The following PCDHGA4 variants were observed in gnomAD, a reference collection of about 807,000 sequenced individuals.
PCDHGA4 encodes protocadherin gamma subfamily A, 4, also known as protocadherin gamma-A4.
Under a neutral mutation model 54.6 loss-of-function variants are expected in PCDHGA4, and 38 were observed. The observed-to-expected ratio is 0.70, with a 90% CI of 0.54 to 0.91. The LOEUF is 0.91. PCDHGA4 is among the 40% of genes least tolerant of loss of function. The pLI is 0.00. For missense variants in PCDHGA4, 1,298 were observed against 1,220.9 expected, an observed-to-expected ratio of 1.06 and a Z score of -0.94; for synonymous variants, 511 against 512.9, an observed-to-expected ratio of 1.00 and a Z score of 0.05.
intron 3 of PCDHGA4, among the ~76,000 whole-genome samples, chr5:141,509,636 C>T (rs1199892148): frequency 6.6e-6 from 1 of 152,164 alleles, no homozygotes; most frequent in Non-Finnish European, 1.5e-5. Context: ...TGATGCTGAG[C>T]CAGGGCCAGA....
chr5:141,450,386 A>T (rs1208546397), intron 1 of PCDHGA4, among the ~76,000 whole-genome samples: 2 of 152,192 alleles, frequency 1.3e-5, no homozygotes, highest in Non-Finnish European at 2.9e-5. Flanking sequence ...TGAAACTGAC[A>T]TTTGTAAAGA....
At chr5:141,375,691 C>T in intron 1 of PCDHGA4, 1 of 1,614,272 alleles carries the variant, frequency 6.2e-7, no homozygotes, top group South Asian at 1.1e-5. Context: ...CAGCCAGCGA[C>T]AGCGGGGACC....
chr5:141,356,569 T>C lies in PCDHGA4; in HGVS notation c.1462T>C (p.Tyr488His). ...DNPPTFPHAS[Y>H]SAYIPENNPR... ...CCCACCCACTTTCCCTCATGCTTCC[T>C]ACTCTGCTTACATTCCTGAAAACAA... The change falls in exon 1 of 4, where the codon TAC (tyrosine) becomes CAC (histidine). Residue 488 changes from tyrosine (Y) to histidine (H), a missense_variant. Tyr to His is a moderately conservative substitution (Grantham distance 83, BLOSUM62 2). Transcript: ENST00000571252. 6.2e-7 allele frequency: 1 copy of C among 1,614,170 alleles called. No individual in the cohort carries two copies. Among genetic ancestry groups the C allele is most frequent in the Non-Finnish European group, 8.5e-7 (1 of 1,180,018 alleles).
chr5:141,486,706 C>T lies in PCDHGA4; in HGVS notation c.2515-8101C>T. 1.2e-6 allele frequency: 2 copies of T among 1,614,154 alleles called. No homozygotes were observed. Among genetic ancestry groups the T allele is most frequent in the Admixed American group, 1.7e-5 (1 of 60,020 alleles). On this transcript the variant is annotated intron_variant, in intron 1 of 3. Transcript: ENST00000571252. This position sits in a 1 kb window ranked among gnomAD's most constrained non-coding sequence, Gnocchi z 5.0. ...CAGCTTCCTCTTTCATCTCTCTGAACCCCCAGACAGGAGCTGTTCATGCTA... is the reference window on the plus strand; with the variant it reads ...CAGCTTCCTCTTTCATCTCTCTGAATCCCCAGACAGGAGCTGTTCATGCTA...
At chr5:141,378,741 A>C (rs1588862467) in intron 1 of PCDHGA4, 2 of 152,230 alleles carry the variant, frequency 1.3e-5, no homozygotes, top group African/African-American at 2.4e-5. Context: ...GAAATATTTC[A>C]AGAAAAAAGG....
intron 2 of PCDHGA4, among the ~76,000 whole-genome samples, chr5:141,496,116 C>G (rs1435887981): frequency 6.6e-6 from 1 of 152,178 alleles, no homozygotes; most frequent in Middle Eastern, 3.4e-3. Flanking sequence ...TCTCTTCCTT[C>G]CCTGCCCCTC....
At chr5:141,408,455 C>A in intron 1 of PCDHGA4, 1 of 1,614,050 alleles carries the variant, frequency 6.2e-7, no homozygotes, top group South Asian at 1.1e-5. Flanking sequence ...CGGGGACTTA[C>A]TTGTGAAGAA....
At chr5:141,442,664 G>A (rs1289986124) in intron 1 of PCDHGA4, among the ~76,000 whole-genome samples, 2 of 152,342 alleles carry the variant, frequency 1.3e-5, no homozygotes, top group East Asian at 1.9e-4. Flanking sequence ...TATTTGGCAT[G>A]GTGAGCTTGA....
Position 141,485,955 on chromosome 5 carries a change from T to C in PCDHGA4, c.2515-8852T>C. 1 of 1,614,152 alleles carries C rather than the reference T, an allele frequency of 6.2e-7. No homozygotes were observed. Among genetic ancestry groups the C allele is most frequent in the Non-Finnish European group, 8.5e-7 (1 of 1,180,018 alleles). On this transcript the variant is annotated intron_variant, in intron 1 of 3. Transcript: ENST00000571252. This position sits in a 1 kb window ranked among gnomAD's most constrained non-coding sequence, Gnocchi z 5.7. ...GAGAGCGCACCAGCGGGCATGGTGC[T>C]CATCCAGCTCAATGCCTCAGACCCG...
chr5:141,448,135 TA>T (rs2098567569), intron 1 of PCDHGA4, among the ~76,000 whole-genome samples: 1 of 151,880 alleles, frequency 6.6e-6, no homozygotes, highest in South Asian at 2.1e-4. Flanking sequence ...CCACCCTCAC[TA>T]TACCTCAGAC....
intron 1 of PCDHGA4, among the ~76,000 whole-genome samples, chr5:141,462,086 A>G (rs993185274): frequency 6.6e-6 from 1 of 151,408 alleles, no homozygotes; most frequent in Non-Finnish European, 1.5e-5. Flanking sequence ...GCCTCCCAAA[A>G]TGCTGGGATT....
intron 1 of PCDHGA4, chr5:141,365,256 A>G (rs1358600488): frequency 2.5e-6 from 4 of 1,613,864 alleles, no homozygotes; most frequent in Non-Finnish European, 3.4e-6. Context: ...TCACTGGACT[A>G]TGAAGAATCC....
chr5:141,430,471 T>TA (rs759564776), intron 1 of PCDHGA4: 176 of 234,152 alleles, frequency 7.5e-4, no homozygotes, highest in Non-Finnish European at 1.1e-3. Context: ...TGGAGCTATT[T>TA]AAGATATAAA....
At position 141,385,580 on chromosome 5, in the gene PCDHGA4, A is replaced by G. The variant is rs2090291043; in HGVS notation, c.2514+27959A>G. On this transcript the variant is annotated intron_variant, in intron 1 of 3. Transcript: ENST00000571252. Reference sequence around the variant, plus strand: ...ATAATTTCCACCTACTTTCCAATCTATGTTCCAACCTACTTTCTTAACTCA... The same window carrying G: ...ATAATTTCCACCTACTTTCCAATCTGTGTTCCAACCTACTTTCTTAACTCA... The G allele has an allele frequency of 4.7e-6, 6 of 1,280,456 alleles. No individual in the cohort carries two copies. The South Asian group carries it at 1.2e-4, about 25-fold the overall frequency. The allele number at this position is 1,280,456 out of a possible 1,614,324, so 79.3% of individuals were successfully genotyped here.
chr5:141,375,593 T>C (rs922478028), intron 1 of PCDHGA4: 1 of 1,614,024 alleles, frequency 6.2e-7, no homozygotes, highest in African/African-American at 1.3e-5. Flanking sequence ...CCTGTCCTCC[T>C]ACGTGTCCAT....
chr5:141,475,577 T>C (rs2099365697), intron 1 of PCDHGA4, among the ~76,000 whole-genome samples: 1 of 152,228 alleles, frequency 6.6e-6, no homozygotes, highest in Non-Finnish European at 1.5e-5. Context: ...ACAAGCCAGA[T>C]TTGTTGGTGT....
At chr5:141,452,076 G>A (rs978382005) in intron 1 of PCDHGA4, among the ~76,000 whole-genome samples, 3 of 152,092 alleles carry the variant, frequency 2.0e-5, no homozygotes, top group Non-Finnish European at 2.9e-5. Flanking sequence ...TTATTAGTTG[G>A]CATTATACAG....
At position 141,429,387 on chromosome 5, in the gene PCDHGA4, TAAAAA is replaced by T. The variant is rs11410533; in HGVS notation, c.2515-65416_2515-65412del. On this transcript the variant is annotated intron_variant, in intron 1 of 3. Transcript: ENST00000571252. ...AAATGGAGAAAATGTGTTTTTTTTT[TAAAAA>T]AAATTGAGATTAAGGTCTCATTATG... 8.8e-4 allele frequency among the ~76,000 whole-genome samples: 134 copies of T among 151,448 alleles called. 1 individual carries two copies. Among genetic ancestry groups the T allele is most frequent in the Non-Finnish European group, 1.5e-3 (103 of 67,818 alleles).
Position 141,490,916 on chromosome 5 carries a change from A to C in PCDHGA4, c.2515-3891A>C. 1 of 1,613,724 alleles carries C rather than the reference A, an allele frequency of 6.2e-7. No homozygotes were observed. Among genetic ancestry groups the C allele is most frequent in the Non-Finnish European group, 8.5e-7 (1 of 1,179,736 alleles). ...CATGTGTTTGTCCTAGACGAGAATG[A>C]TAATGCCCCAGCTGTGCTGCACCCA... is the stretch of plus-strand genomic sequence containing the variant. On this transcript the variant is annotated intron_variant, in intron 1 of 3. Transcript: ENST00000571252. This position sits in a 1 kb window ranked among gnomAD's most constrained non-coding sequence, Gnocchi z 5.4.
Sources: allele counts gnomAD v4.1 joint callset (sites outside exome capture counted in the v4.1 genomes callset), GRCh38; gene constraint gnomAD v4.1.1; non-coding constraint Gnocchi (gnomAD v3.1); transcripts MANE v1.5; gene names NCBI Gene and HGNC (gene_info 2026-07-23, HGNC 2026-07-21).